The following GBA2 variants were observed in gnomAD, a reference collection of about 807,000 sequenced individuals.
The protein encoded by GBA2 is glucosylceramidase beta 2.
A neutral mutation model predicts 112.9 loss-of-function variants in GBA2; 79 were observed. The observed-to-expected ratio is 0.70, with a 90% CI of 0.58 to 0.84. GBA2 has a LOEUF of 0.84. Among genes scored for constraint, GBA2 ranks in the 40% least tolerant of loss-of-function variants. The pLI is 0.00. For synonymous variants in GBA2, 403 were observed against 434.3 expected, an observed-to-expected ratio of 0.93 and a Z score of 0.90; for missense variants, 1,043 against 1,190.0, an observed-to-expected ratio of 0.88 and a Z score of 1.82.
In GBA2 at chr9:35,749,221, T is replaced by G. The variant is rs549173942; in HGVS notation, c.-517A>C. 4.0e-5 allele frequency: 18 copies of G among 454,638 alleles called. No individual in the cohort carries two copies. The highest frequency in any genetic ancestry group is 8.0e-5 in the Non-Finnish European group (18 of 225,594). 28.2% of individuals were successfully genotyped at this position (454,638 alleles called of 1,614,324 possible). ...GGGCGCCGGGATGACCCGAGCCCTTTCCGGTCTGGCCTGCCGGGCGCTTCC... is the reference window on the plus strand; with the variant it reads ...GGGCGCCGGGATGACCCGAGCCCTTGCCGGTCTGGCCTGCCGGGCGCTTCC... On this transcript the variant is annotated 5_prime_UTR_variant, in exon 1 of 17. Transcript: ENST00000378103. The surrounding 1 kb of genome is among the most constrained non-coding windows in gnomAD (Gnocchi z 4.4).
At chr9:35,739,905 A>G in intron 8 of GBA2, 93 bp downstream of exon 8, 1 of 1,557,376 alleles carries the variant, frequency 6.4e-7, no homozygotes, top group South Asian at 1.1e-5. Flanking sequence ...TCCCAGTGCA[A>G]GTCTACTGAC....
chr9:35,738,983 C>T lies in GBA2; in HGVS notation c.1795+19G>A. On this transcript the variant is annotated intron_variant, in intron 11 of 16. Coordinates refer to ENST00000378103, the MANE Select transcript of GBA2 (RefSeq NM_020944.3). ...GCAAAAGTTGAGGGAGGGAAGCTGA[C>T]CTTGGGGTGGACTTTTACCTGGGTC... 1 of 1,608,196 alleles carries T rather than the reference C, an allele frequency of 6.2e-7. No homozygotes were observed. Among genetic ancestry groups the T allele is most frequent in the Non-Finnish European group, 8.5e-7 (1 of 1,175,066 alleles).
rs1230956607 is a variant in GBA2 at position 35,743,914 on chromosome 9, A to G, written c.567+383T>C. Among the ~76,000 whole-genome samples, 3 of 151,980 alleles carry G rather than the reference A, an allele frequency of 2.0e-5. No homozygotes were observed. In the South Asian group the frequency reaches 6.2e-4, roughly 32 times the overall value. ...CTTGTACTACGTGTCTTTTTTTCCC[A>G]TGAGTTTATAGACTTTGGGTTTTCT... On this transcript the variant is annotated intron_variant, in intron 3 of 16. Transcript: ENST00000378103.
At position 35,739,003 on chromosome 9, in the gene GBA2, T is replaced by G. The variant is rs1401792284; in HGVS notation, c.1794A>C (p.Pro598=). 1 of 1,610,044 alleles carries G rather than the reference T, an allele frequency of 6.2e-7. No individual in the cohort carries two copies. The highest frequency in any genetic ancestry group is 1.3e-5 in the African/African-American group (1 of 74,854). ...GCTGACCTTGGGGTGGACTTTTACCTGGGTCCCCAATATCATGGGGGATGA... is the reference window on the plus strand; with the variant it reads ...GCTGACCTTGGGGTGGACTTTTACCGGGGTCCCCAATATCATGGGGGATGA... ...RNVIPHDIGD[P]DDEPWLRVNA... Residue 598 remains proline (P), a splice_region_variant and synonymous_variant, in exon 11 of 17, where the codon CCA becomes CCC. Transcript: ENST00000378103.
rs912331543 is a variant in GBA2, at chr9:35,737,252, G to A, written c.2701C>T (p.Pro901Ser). 2.5e-6 allele frequency: 4 copies of A among 1,613,754 alleles called. No homozygotes were observed. The highest frequency in any genetic ancestry group is 1.7e-6 in the Non-Finnish European group (2 of 1,180,044). ...AGTCCTGTGCCCTGTTTGACTTTTG[G>A]CCAGGAGGCCTTTTTGTGCTGCTGC... ...QQQQHKKASW[P>S]KVKQGTGLRT... Residue 901 changes from proline (P) to serine (S), a missense_variant, in exon 17 of 17, where the codon CCA (proline) becomes TCA (serine). Physicochemically the swap from Pro to Ser is moderately conservative, Grantham distance 74. Coordinates refer to ENST00000378103, the MANE Select transcript of GBA2 (RefSeq NM_020944.3). This position sits in a 1 kb window ranked among gnomAD's most constrained non-coding sequence, Gnocchi z 4.1.
intron 1 of GBA2, 122 bp from the exon 2 acceptor site, chr9:35,744,828 T>C: frequency 1.5e-6 from 1 of 667,810 alleles, no homozygotes; most frequent in East Asian, 2.7e-5. Context: ...TTTCAAACCT[T>C]TCTTCCTCTT....
At position 35,737,662 on chromosome 9, in the gene GBA2, G is replaced by C; in HGVS notation, c.2505+86C>G. On this transcript the variant is annotated intron_variant, in intron 16 of 16. Transcript: ENST00000378103. The surrounding 1 kb of genome is among the most constrained non-coding windows in gnomAD (Gnocchi z 4.1). ...TTATAGACGGACAAGATGGCATTGG[G>C]TTATGCCTTGAAGAAATTTGGTGGT... is the stretch of plus-strand genomic sequence containing the variant. The C allele has an allele frequency of 6.2e-7, 1 of 1,610,376 alleles. No individual in the cohort carries two copies. Among genetic ancestry groups the C allele is most frequent in the Non-Finnish European group, 8.5e-7 (1 of 1,177,242 alleles).
At position 35,741,742 on chromosome 9, in the gene GBA2, TAGAC is replaced by T. The variant is rs753092336; in HGVS notation, c.712_715del (p.Val238IlefsTer30). ...GGTGACATTCTGGCCAGGAAGCTGA[TAGAC>T]AGTCCAGGCTCGGGGATAGAGGGCA... On this transcript the variant is annotated frameshift_variant, in exon 4 of 17. Transcript: ENST00000378103. LOFTEE classifies it high-confidence loss of function. The surrounding 1 kb of genome is among the most constrained non-coding windows in gnomAD (Gnocchi z 4.6). 1 of 1,614,022 alleles carries T rather than the reference TAGAC, an allele frequency of 6.2e-7. No individual in the cohort carries two copies. Among genetic ancestry groups the T allele is most frequent in the South Asian group, 1.1e-5 (1 of 91,070 alleles).
In GBA2 at chr9:35,740,790, C is replaced by CAGGGGCTA; in HGVS notation, c.1026+27_1026+34dup. The CAGGGGCTA allele has an allele frequency of 6.2e-7, 1 of 1,610,236 alleles. No homozygotes were observed. Among genetic ancestry groups the CAGGGGCTA allele is most frequent in the Non-Finnish European group, 8.5e-7 (1 of 1,177,218 alleles). On this transcript the variant is annotated intron_variant, in intron 5 of 16. Coordinates refer to ENST00000378103, the MANE Select transcript of GBA2 (RefSeq NM_020944.3). The surrounding 1 kb of genome is among the most constrained non-coding windows in gnomAD (Gnocchi z 4.7). ...ACCATGCTGGGGTGGAGGTGGGGTT[C>CAGGGGCTA]AGGGGCTAAGGTATAGGGCAGGCTC...
Position 35,748,446 on chromosome 9 carries a change from G to T in GBA2, c.259C>A (p.Arg87Ser). 6.2e-7 allele frequency: 1 copy of T among 1,614,128 alleles called. No homozygotes were observed. The highest frequency in any genetic ancestry group is 8.5e-7 in the Non-Finnish European group (1 of 1,179,986). ...MGYQVPPFGW[R>S]ICLAHEFTEK... ...GTAAACTCATGAGCCAGACAGATGC[G>T]CCAGCCAAAGGGAGGCACCTGGTAG... Residue 87 changes from arginine to serine, a missense_variant, in exon 1 of 17, where the codon CGC becomes AGC. Physicochemically the swap from Arg to Ser is moderately radical, Grantham distance 110. Transcript: ENST00000378103.
Position 35,737,337 on chromosome 9 carries a change from G to T in GBA2, c.2616C>A (p.Phe872Leu). The T allele has an allele frequency of 6.2e-7, 1 of 1,614,136 alleles. No homozygotes were observed. The highest frequency in any genetic ancestry group is 8.5e-7 in the Non-Finnish European group (1 of 1,180,032). Reference sequence around the variant, plus strand: ...GTGGCCGCATGTAGGCCAGTGAGCGGAACACTCGCTGCTGGCAGTATGCCT... The same window carrying T: ...GTGGCCGCATGTAGGCCAGTGAGCGTAACACTCGCTGCTGGCAGTATGCCT... ...TPEAYCQQRVFRSLAYMRPLS... is the reference protein window; with the variant it reads ...TPEAYCQQRVLRSLAYMRPLS... Residue 872 changes from phenylalanine to leucine, a missense_variant, in exon 17 of 17, where the codon TTC becomes TTA. Coordinates refer to ENST00000378103, the MANE Select transcript of GBA2 (RefSeq NM_020944.3). The surrounding 1 kb of genome is among the most constrained non-coding windows in gnomAD (Gnocchi z 4.1).
intron 1 of GBA2, among the ~76,000 whole-genome samples, chr9:35,745,404 C>T (rs146376812): frequency 9.3e-4 from 141 of 152,186 alleles, no homozygotes; most frequent in African/African-American, 3.3e-3. Context: ...GGATTAGAGG[C>T]GTGAGCTACC....
chr9:35,738,858 G>C lies in GBA2; in HGVS notation c.1841C>G (p.Thr614Ser), dbSNP rs1353234677. 2 of 1,613,778 alleles carry C rather than the reference G, an allele frequency of 1.2e-6. No homozygotes were observed. Among genetic ancestry groups the C allele is most frequent in the African/African-American group, 2.7e-5 (2 of 74,922 alleles). ...CAGGTTCAGGTCCTTCCAATCAGCA[G>C]TATCATGGATTAAATATGCATTGAC... ...LRVNAYLIHDTADWKDLNLKF... is the reference protein window; with the variant it reads ...LRVNAYLIHDSADWKDLNLKF... The change falls in exon 12 of 17, where the codon ACT (threonine) becomes AGT (serine). Residue 614 changes from threonine (T) to serine (S), a missense_variant. By Grantham distance (58) the Thr-to-Ser change is moderately conservative. Coordinates refer to ENST00000378103, the MANE Select transcript of GBA2 (RefSeq NM_020944.3).
In GBA2 at chr9:35,744,363, T is replaced by C; in HGVS notation, c.501A>G (p.Arg167=). 1.2e-6 allele frequency: 2 copies of C among 1,613,548 alleles called. No homozygotes were observed. The highest frequency in any genetic ancestry group is 1.7e-4 in the Middle Eastern group (1 of 6,060). The part of the protein sequence containing the change: ...IGGGTITRGW[R]GQFCRWQLNP... ...TAAGCTGCCAACGACAGAACTGGCC[T>C]CTCCAGCCACGGGTAATAGTGCCTC... is the stretch of plus-strand genomic sequence containing the variant. The change falls in exon 3 of 17, where the codon AGA becomes AGG. Residue 167 remains arginine, a synonymous_variant. Coordinates refer to ENST00000378103, the MANE Select transcript of GBA2 (RefSeq NM_020944.3).
rs766495856 is a variant in GBA2 at position 35,737,644 on chromosome 9, C to T, written c.2505+104G>A. The T allele has an allele frequency of 5.9e-5, 94 of 1,603,854 alleles. No homozygotes were observed. The highest frequency in any genetic ancestry group is 1.3e-4 in the South Asian group (12 of 89,772). Reference sequence around the variant, plus strand: ...AGGGAAAAATGGGAGGCTTTATAGACGGACAAGATGGCATTGGGTTATGCC... The same window carrying T: ...AGGGAAAAATGGGAGGCTTTATAGATGGACAAGATGGCATTGGGTTATGCC... On this transcript the variant is annotated intron_variant, in intron 16 of 16. Coordinates refer to ENST00000378103, the MANE Select transcript of GBA2 (RefSeq NM_020944.3). The surrounding 1 kb of genome is among the most constrained non-coding windows in gnomAD (Gnocchi z 4.1).
At position 35,737,655 on chromosome 9, in the gene GBA2, G is replaced by A; in HGVS notation, c.2505+93C>T. ...GGAGGCTTTATAGACGGACAAGATG[G>A]CATTGGGTTATGCCTTGAAGAAATT... On this transcript the variant is annotated intron_variant, in intron 16 of 16. Transcript: ENST00000378103. The surrounding 1 kb of genome is among the most constrained non-coding windows in gnomAD (Gnocchi z 4.1). 6.2e-7 allele frequency: 1 copy of A among 1,609,632 alleles called. No individual in the cohort carries two copies. The highest frequency in any genetic ancestry group is 8.5e-7 in the Non-Finnish European group (1 of 1,177,274).
Position 35,740,172 on chromosome 9 carries a change from A to G in GBA2, c.1283+37T>C, listed in dbSNP as rs530698505. ...AACACAAGCCCCAGGTCAGAGCCCC[A>G]GCACTCTGGATCCTTACACTTTCTT... On this transcript the variant is annotated intron_variant, in intron 7 of 16. Coordinates refer to ENST00000378103, the MANE Select transcript of GBA2 (RefSeq NM_020944.3). The surrounding 1 kb of genome is among the most constrained non-coding windows in gnomAD (Gnocchi z 4.7). The G allele has an allele frequency of 3.7e-6, 6 of 1,613,842 alleles. No individual in the cohort carries two copies. In the South Asian group the frequency reaches 6.6e-5, roughly 18 times the overall value.
rs1214656669 is a variant in GBA2 at position 35,737,280 on chromosome 9, T to C, written c.2673A>G (p.Gln891=). 2 of 1,614,000 alleles carry C rather than the reference T, an allele frequency of 1.2e-6. No individual in the cohort carries two copies. The highest frequency in any genetic ancestry group is 3.3e-5 in the Admixed American group (2 of 60,012). ...LSIWAMQLAL[Q]QQQHKKASWP... ...AGGAGGCCTTTTTGTGCTGCTGCTG[T>C]TGCAGGGCTAGCTGCATGGCCCATA... The change falls in exon 17 of 17, where the codon CAA becomes CAG. Residue 891 remains glutamine (Q), a synonymous_variant. Transcript: ENST00000378103. The surrounding 1 kb of genome is among the most constrained non-coding windows in gnomAD (Gnocchi z 4.1).
chr9:35,748,944 G>T lies in GBA2; in HGVS notation c.-240C>A, dbSNP rs900290179. On this transcript the variant is annotated 5_prime_UTR_variant, in exon 1 of 17. Coordinates refer to ENST00000378103, the MANE Select transcript of GBA2 (RefSeq NM_020944.3). ...CTGTAGGTCCTGGACGGGAAGGGTC[G>T]GGCCTCGTCGTCATTGAGCCGACGA... is the stretch of plus-strand genomic sequence containing the variant. The T allele has an allele frequency of 2.5e-6, 1 of 393,182 alleles. No homozygotes were observed. Among genetic ancestry groups the T allele is most frequent in the African/African-American group, 2.1e-5 (1 of 48,352 alleles). The allele number at this position is 393,182 out of a possible 1,614,324, so 24.4% of individuals were successfully genotyped here.
Sources: gnomAD v4.1 joint callset for allele counts (sites outside exome capture counted in the v4.1 genomes callset) on GRCh38, gnomAD v4.1.1 for gene constraint, Gnocchi (gnomAD v3.1) non-coding constraint, MANE v1.5 for transcripts, NCBI Gene and HGNC (gene_info 2026-07-23, HGNC 2026-07-21) for gene names.